The following PRICKLE2 variants were observed in gnomAD, a reference collection of about 807,000 sequenced individuals.
PRICKLE2 encodes the protein prickle planar cell polarity protein 2, also known as prickle-like protein 2.
PRICKLE2 carries 21 observed loss-of-function variants against 81.4 expected under a neutral mutation model. The ratio of observed to expected loss-of-function variants is 0.26; its 90% CI spans 0.18 to 0.37. The LOEUF (loss-of-function observed/expected upper bound fraction) is 0.37, where lower values mean the gene tolerates loss of function less well. PRICKLE2 is among the 10% of genes least tolerant of loss of function. PRICKLE2 has a pLI of 1.00. For missense variants in PRICKLE2, 940 were observed against 1,109.0 expected (o/e 0.85, Z 2.16); for synonymous variants, 456 against 421.5 (o/e 1.08, Z -1.00).
intron 2 of PRICKLE2, among the ~76,000 whole-genome samples, chr3:64,265,298 C>T (rs1160163103): frequency 1.3e-5 from 2 of 152,098 alleles, no homozygotes; most frequent in Admixed American, 6.5e-5. Context: ...CACATTTAAA[C>T]CTCAATACAA....
chr3:64,237,084 G>A (rs1335440594), intron 2 of PRICKLE2, among the ~76,000 whole-genome samples: 2 of 152,176 alleles, frequency 1.3e-5, no homozygotes, highest in Non-Finnish European at 2.9e-5. Flanking sequence ...TCAGAGGCCA[G>A]GATGAGCACT....
At chr3:64,128,072 G>C (rs1349242324) in intron 7 of PRICKLE2, among the ~76,000 whole-genome samples, 1 of 152,078 alleles carries the variant, frequency 6.6e-6, no homozygotes, top group Non-Finnish European at 1.5e-5. Flanking sequence ...GCAGTTGGGG[G>C]TTGCTCCCAT....
At chr3:64,200,252 A>G (rs2078546632) in intron 1 of PRICKLE2, 1 of 152,212 alleles carries the variant, frequency 6.6e-6, no homozygotes, top group Non-Finnish European at 1.5e-5. Context: ...GGCTTCTTTC[A>G]CACAGAATGA....
chr3:64,139,615 T>C (rs2077329650), intron 7 of PRICKLE2, among the ~76,000 whole-genome samples: 1 of 152,222 alleles, frequency 6.6e-6, no homozygotes, highest in East Asian at 1.9e-4. Context: ...AATTGGATCA[T>C]GTCACCTCCC....
chr3:64,207,854 G>T (rs548779697), intron 1 of PRICKLE2, among the ~76,000 whole-genome samples: 101 of 152,256 alleles, frequency 6.6e-4, no homozygotes, highest in African/African-American at 2.2e-3. Flanking sequence ...GTCTTTGTAC[G>T]CTAGTCATAT....
chr3:64,111,170 C>A (rs992190966), intron 7 of PRICKLE2, among the ~76,000 whole-genome samples: 1 of 152,068 alleles, frequency 6.6e-6, no homozygotes, highest in Non-Finnish European at 1.5e-5. Flanking sequence ...ATCATACAAC[C>A]TAAGGGAGAA....
upstream of PRICKLE2, among the ~76,000 whole-genome samples, chr3:64,226,547 C>T (rs1283755493): frequency 6.6e-6 from 1 of 152,214 alleles, no homozygotes; most frequent in African/African-American, 2.4e-5. Context: ...TCTCTGCTTT[C>T]AAGGGCCTTA....
At chr3:64,263,043 C>T (rs568322260) in intron 2 of PRICKLE2, among the ~76,000 whole-genome samples, 3 of 152,198 alleles carry the variant, frequency 2.0e-5, no homozygotes, top group Non-Finnish European at 4.4e-5. Flanking sequence ...TTCTCTACTC[C>T]AGGCCTTCTC....
chr3:64,217,133 G>A (rs955219530), intron 1 of PRICKLE2, among the ~76,000 whole-genome samples: 1 of 152,146 alleles, frequency 6.6e-6, no homozygotes, highest in Admixed American at 6.5e-5. Flanking sequence ...CCAGGAGGAT[G>A]CCTACAGAAA....
At chr3:64,110,865 G>A (rs747096015) in intron 7 of PRICKLE2, among the ~76,000 whole-genome samples, 16 of 149,806 alleles carry the variant, frequency 1.1e-4, no homozygotes, top group Admixed American at 4.7e-4. Flanking sequence ...GGGAGGCTGA[G>A]GCAGGAGAAT....
At position 64,165,928 on chromosome 3, in the gene PRICKLE2, T is replaced by C. The variant is rs2077821251; in HGVS notation, c.145-2799A>G. 3.3e-5 allele frequency among the ~76,000 whole-genome samples: 5 copies of C among 151,406 alleles called. No individual in the cohort carries two copies. In the South Asian group the frequency reaches 1.0e-3, roughly 32 times the overall value. ...GGAATACAATGGTATTAAAGCTAGT[T>C]TGACTTCAGGGGAAAAATGGCAAAC... is the stretch of plus-strand genomic sequence containing the variant. On this transcript the variant is annotated intron_variant, in intron 2 of 7. Transcript: ENST00000638394.
intron 7 of PRICKLE2, among the ~76,000 whole-genome samples, chr3:64,130,201 T>C (rs548537099): frequency 4.6e-5 from 7 of 152,346 alleles, no homozygotes; most frequent in African/African-American, 1.7e-4. Flanking sequence ...CCCTTAGCTA[T>C]CACAACGTTA....
intron 2 of PRICKLE2, among the ~76,000 whole-genome samples, chr3:64,183,797 A>T (rs964679954): frequency 6.6e-6 from 1 of 152,214 alleles, no homozygotes; most frequent in Non-Finnish European, 1.5e-5. Context: ...GGTCAAGGCC[A>T]CTTGATCACT....
Position 64,114,417 on chromosome 3 carries a change from G to A in PRICKLE2, c.1661-14492C>T, listed in dbSNP as rs144021645. ...GAAATGAAATTCAGAATATGGATAG[G>A]AATGAAGATCATTGAGCTCAGTACA... On this transcript the variant is annotated intron_variant, in intron 7 of 7. Coordinates refer to ENST00000638394, the MANE Select transcript of PRICKLE2 (RefSeq NM_198859.4). Among the ~76,000 whole-genome samples, 1,153 of 152,240 alleles carry A rather than the reference G, an allele frequency of 7.6e-3. 9 individuals are homozygous for A. The highest frequency in any genetic ancestry group is 0.012 in the Non-Finnish European group (805 of 68,030).
chr3:64,151,486 T>G (rs374218926), intron 6 of PRICKLE2, among the ~76,000 whole-genome samples: 3 of 152,316 alleles, frequency 2.0e-5, no homozygotes, highest in South Asian at 4.1e-4. Flanking sequence ...ATTTTTTCTC[T>G]CTGCCAAGTA....
At chr3:64,133,262 C>A (rs1406145587) in intron 7 of PRICKLE2, among the ~76,000 whole-genome samples, 1 of 152,120 alleles carries the variant, frequency 6.6e-6, no homozygotes, top group Non-Finnish European at 1.5e-5. Context: ...AGGACCTGGA[C>A]ATGTACGGCT....
At chr3:64,205,386 A>G (rs2078668388) in intron 1 of PRICKLE2, among the ~76,000 whole-genome samples, 1 of 152,214 alleles carries the variant, frequency 6.6e-6, no homozygotes, top group Non-Finnish European at 1.5e-5. Flanking sequence ...ACTATCTCCA[A>G]GTAGCTTGGT....
intron 2 of PRICKLE2, among the ~76,000 whole-genome samples, chr3:64,255,170 T>C (rs1055427124): frequency 6.6e-6 from 1 of 152,236 alleles, no homozygotes; most frequent in Non-Finnish European, 1.5e-5. Flanking sequence ...ACCCACTTAC[T>C]GCTTTCATTC....
intron 2 of PRICKLE2, among the ~76,000 whole-genome samples, chr3:64,243,569 T>C (rs907238217): frequency 1.3e-5 from 2 of 152,234 alleles, no homozygotes; most frequent in African/African-American, 4.8e-5. Flanking sequence ...ATCTCAGCTC[T>C]GTCACTTACT....
Sources: gnomAD v4.1 joint callset for allele counts (sites outside exome capture counted in the v4.1 genomes callset) on GRCh38, gnomAD v4.1.1 for gene constraint, MANE v1.5 for transcripts, NCBI Gene and HGNC (gene_info 2026-07-23, HGNC 2026-07-21) for gene names.